The following MAP3K3 variants were observed in gnomAD, a reference collection of about 807,000 sequenced individuals.
The protein encoded by MAP3K3 is MAP/ERK kinase kinase 3.
MAP3K3 carries 12 observed loss-of-function variants against 80.9 expected under a neutral mutation model. That is an observed-to-expected ratio of 0.15 (90% CI 0.10 to 0.24). The LOEUF is 0.24. MAP3K3 is among the 10% of genes least tolerant of loss of function. The pLI is 1.00. For missense variants in MAP3K3, 596 were observed against 834.7 expected, an observed-to-expected ratio of 0.71 and a Z score of 3.52; for synonymous variants, 272 against 307.1, an observed-to-expected ratio of 0.89 and a Z score of 1.19.
chr17:63,687,532 C>CA (rs1280924084), intron 8 of MAP3K3, among the ~76,000 whole-genome samples: 2 of 141,546 alleles, frequency 1.4e-5, no homozygotes, highest in Non-Finnish European at 3.1e-5. Context: ...AAAAAAAAAG[C>CA]AAAAAAAATT....
intron 6 of MAP3K3, among the ~76,000 whole-genome samples, chr17:63,678,840 G>C (rs1395742532): frequency 6.6e-6 from 1 of 151,936 alleles, no homozygotes; most frequent in Non-Finnish European, 1.5e-5. Context: ...GACCAGCCTG[G>C]CCAACATGGT....
intron 1 of MAP3K3, among the ~76,000 whole-genome samples, chr17:63,629,577 A>AG (rs2034175162): frequency 7.2e-6 from 1 of 138,352 alleles, no homozygotes; most frequent in Non-Finnish European, 1.6e-5. Context: ...AGGAAAAAAA[A>AG]CAAAAACAAA....
In MAP3K3 at chr17:63,693,456, G is replaced by A; in HGVS notation, c.1653-93G>A. 8.7e-7 allele frequency: 1 copy of A among 1,144,918 alleles called. No individual in the cohort carries two copies. The highest frequency in any genetic ancestry group is 1.4e-5 in the South Asian group (1 of 71,014). 70.9% of individuals were successfully genotyped at this position (1,144,918 alleles called of 1,614,324 possible). ...CTTGGCCTGTCCTGCACCTCAGCTT[G>A]CTGTGAGAAAGGCGCCTCTTTCTGC... On this transcript the variant is annotated intron_variant, in intron 15 of 15. Coordinates refer to ENST00000361733, the MANE Select transcript of MAP3K3 (RefSeq NM_002401.5). This position sits in a 1 kb window ranked among gnomAD's most constrained non-coding sequence, Gnocchi z 4.2.
intron 6 of MAP3K3, among the ~76,000 whole-genome samples, chr17:63,675,536 G>A (rs1318315345): frequency 6.6e-6 from 1 of 152,236 alleles, no homozygotes; most frequent in African/African-American, 2.4e-5. Flanking sequence ...CCATATCCGA[G>A]GGTGAGAGTG....
chr17:63,645,951 G>A lies in MAP3K3; in HGVS notation c.127-83G>A, dbSNP rs569790980. On this transcript the variant is annotated intron_variant, in intron 2 of 15. Transcript: ENST00000361733. ...GGGATGTATGCCTAATGTTGCTAAC[G>A]AACTGCCCAAGGCTTACTTGGCAAT... 1.0e-5 allele frequency: 11 copies of A among 1,096,800 alleles called. No homozygotes were observed. In the East Asian group the frequency reaches 1.4e-4, roughly 14 times the overall value. 67.9% of individuals were successfully genotyped at this position (1,096,800 alleles called of 1,614,324 possible).
chr17:63,655,893 A>AT (rs2034756591), intron 4 of MAP3K3, among the ~76,000 whole-genome samples: 1 of 152,140 alleles, frequency 6.6e-6, no homozygotes. Context: ...TTTGCAGAAC[A>AT]TTCTCCCATT....
chr17:63,634,234 T>A (rs2034274495), intron 2 of MAP3K3, among the ~76,000 whole-genome samples: 1 of 152,210 alleles, frequency 6.6e-6, no homozygotes, highest in South Asian at 2.1e-4. Flanking sequence ...CCCCTCCCCC[T>A]TGCTTGAGCC....
chr17:63,629,404 C>T (rs2034172142), intron 1 of MAP3K3, among the ~76,000 whole-genome samples: 1 of 152,162 alleles, frequency 6.6e-6, no homozygotes, highest in African/African-American at 2.4e-5. Context: ...GAATTACAGG[C>T]GTGAGCCTCT....
chr17:63,675,733 C>T (rs548048628), intron 6 of MAP3K3, among the ~76,000 whole-genome samples: 3 of 152,294 alleles, frequency 2.0e-5, no homozygotes, highest in Admixed American at 1.3e-4. Flanking sequence ...CAGCTGGTGG[C>T]ACAGGTGGCG....
At chr17:63,655,451 G>A (rs200616621) in intron 4 of MAP3K3, among the ~76,000 whole-genome samples, 5 of 152,118 alleles carry the variant, frequency 3.3e-5, no homozygotes, top group East Asian at 1.9e-4. Flanking sequence ...TCTTTTAATA[G>A]CCATCCTAGT....
At chr17:63,623,879 G>T (rs1386329587) in intron 1 of MAP3K3, among the ~76,000 whole-genome samples, 2 of 152,314 alleles carry the variant, frequency 1.3e-5, no homozygotes, top group East Asian at 3.9e-4. Context: ...CTTAATGTTT[G>T]CCTTGCCCTA....
At chr17:63,630,100 G>A (rs1241970033) in intron 1 of MAP3K3, among the ~76,000 whole-genome samples, 1 of 152,104 alleles carries the variant, frequency 6.6e-6, no homozygotes, top group Non-Finnish European at 1.5e-5. Flanking sequence ...CCGCTTTTAG[G>A]AGTATTGTTG....
intron 6 of MAP3K3, among the ~76,000 whole-genome samples, chr17:63,678,319 A>G (rs73339432): frequency 0.017 from 2,584 of 152,286 alleles, 72 homozygotes; most frequent in African/African-American, 0.059. Flanking sequence ...CTAAATTTAC[A>G]CTCAGAGTAA....
chr17:63,661,787 T>C (rs866005250), intron 5 of MAP3K3, among the ~76,000 whole-genome samples: 15 of 152,172 alleles, frequency 9.9e-5, no homozygotes, highest in Non-Finnish European at 1.8e-4. Context: ...TTGGGCAGAA[T>C]AGCTTCTTCT....
Position 63,693,044 on chromosome 17 carries a change from G to A in MAP3K3, c.1653-505G>A, listed in dbSNP as rs2035625252. ...ATAGGAGGTGAGACAATGAAAGCAAGAGGTTGGAGTAATACAAGGAGGGGA... is the reference window on the plus strand; with the variant it reads ...ATAGGAGGTGAGACAATGAAAGCAAAAGGTTGGAGTAATACAAGGAGGGGA... On this transcript the variant is annotated intron_variant, in intron 15 of 15. Transcript: ENST00000361733. The surrounding 1 kb of genome is among the most constrained non-coding windows in gnomAD (Gnocchi z 4.2). Among the ~76,000 whole-genome samples the A allele has an allele frequency of 6.6e-6, 1 of 152,162 alleles. No individual in the cohort carries two copies. Among genetic ancestry groups the A allele is most frequent in the Non-Finnish European group, 1.5e-5 (1 of 68,026 alleles).
chr17:63,674,329 C>G (rs2035172556), intron 6 of MAP3K3, among the ~76,000 whole-genome samples: 1 of 152,086 alleles, frequency 6.6e-6, no homozygotes, highest in African/African-American at 2.4e-5. Context: ...CTTTGGGAGG[C>G]CAAGGTGGGT....
intron 3 of MAP3K3, among the ~76,000 whole-genome samples, chr17:63,647,126 T>C (rs1003972487): frequency 1.3e-5 from 2 of 152,198 alleles, no homozygotes; most frequent in Non-Finnish European, 1.5e-5. Flanking sequence ...GACCTGTGGC[T>C]ACTATTCTCC....
At chr17:63,639,729 G>GA (rs919875084) in intron 2 of MAP3K3, among the ~76,000 whole-genome samples, 15 of 149,308 alleles carry the variant, frequency 1.0e-4, no homozygotes, top group Non-Finnish European at 1.9e-4. Context: ...TGAATGAAAG[G>GA]AAAAAAAAAT....
intron 2 of MAP3K3, among the ~76,000 whole-genome samples, chr17:63,645,102 A>G (rs988256758): frequency 2.0e-5 from 3 of 152,132 alleles, no homozygotes; most frequent in Admixed American, 6.5e-5. Flanking sequence ...CTGTTCTTCA[A>G]TTCATTCAAC....
Sources: gnomAD v4.1 joint callset for allele counts (sites outside exome capture counted in the v4.1 genomes callset) on GRCh38, gnomAD v4.1.1 for gene constraint, Gnocchi (gnomAD v3.1) non-coding constraint, MANE v1.5 for transcripts, NCBI Gene and HGNC (gene_info 2026-07-23, HGNC 2026-07-21) for gene names.